CRISP2: variants seen among roughly 807,000 people sequenced by gnomAD.
CRISP2 encodes cysteine-rich secretory protein 2.
A neutral mutation model predicts 31.7 loss-of-function variants in CRISP2; 29 were observed. The ratio of observed to expected loss-of-function variants is 0.92; its 90% CI spans 0.68 to 1.25. The LOEUF is 1.25. Ranked by LOEUF, CRISP2 falls within the 50% of genes most tolerant of loss-of-function variation. The pLI is 0.00. For missense variants in CRISP2, 318 were observed against 286.5 expected (o/e 1.11, Z -0.79); for synonymous variants, 111 against 101.4 (o/e 1.09, Z -0.57).
At chr6:49,691,649 T>TA (rs1764061044), downstream of CRISP2, among the ~76,000 whole-genome samples, 1 of 152,064 alleles carries the variant, frequency 6.6e-6, no homozygotes, top group South Asian at 2.1e-4. Flanking sequence ...AATACTATCT[T>TA]AAAGACTGAA....
At chr6:49,699,219 T>C (rs61627916) in intron 6 of CRISP2, among the ~76,000 whole-genome samples, 5,055 of 152,024 alleles carry the variant, frequency 0.033, 300 homozygotes, top group African/African-American at 0.12. Flanking sequence ...TACTTGCTAG[T>C]CTGATATTAA....
intron 4 of CRISP2, among the ~76,000 whole-genome samples, chr6:49,701,485 CGTGT>C (rs148496285): frequency 0.03 from 2,440 of 81,460 alleles, 187 homozygotes; most frequent in African/African-American, 0.11. Context: ...AGCAGTATTA[CGTGT>C]GTGTGTGTGT....
At chr6:49,703,182 T>C (rs1208938201) in intron 4 of CRISP2, among the ~76,000 whole-genome samples, 1 of 140,588 alleles carries the variant, frequency 7.1e-6, no homozygotes, top group East Asian at 2.5e-4. Flanking sequence ...TCTATGTGCC[T>C]ATTTTTATAC....
At chr6:49,703,881 T>A (rs917073596) in intron 4 of CRISP2, among the ~76,000 whole-genome samples, 3 of 152,190 alleles carry the variant, frequency 2.0e-5, no homozygotes, top group African/African-American at 7.2e-5. Context: ...TTGAGCTTCT[T>A]TTATTTGAAT....
chr6:49,711,968 G>A (rs1448137108), intron 2 of CRISP2, among the ~76,000 whole-genome samples: 1 of 152,182 alleles, frequency 6.6e-6, no homozygotes, highest in South Asian at 2.1e-4. Context: ...CTGCTAGTTT[G>A]TTGAGCTCAT....
At position 49,698,515 on chromosome 6, in the gene CRISP2, G is replaced by A. The variant is rs1765146971; in HGVS notation, c.272-8C>T. On this transcript the variant is annotated splice_region_variant and splice_polypyrimidine_tract_variant and intron_variant, in intron 6 of 9. Coordinates refer to ENST00000339139, the MANE Select transcript of CRISP2 (RefSeq NM_003296.4). ...TCTCACCACATCTTGTACCTAAGGG[G>A]CAGATCATTCATGAGCAAGGTAATA... The A allele has an allele frequency of 3.1e-6, 5 of 1,597,888 alleles. No homozygotes were observed. The highest frequency in any genetic ancestry group is 4.3e-6 in the Non-Finnish European group (5 of 1,175,508).
intron 4 of CRISP2, among the ~76,000 whole-genome samples, chr6:49,708,007 T>C (rs1384911185): frequency 6.6e-6 from 1 of 152,212 alleles, no homozygotes; most frequent in Non-Finnish European, 1.5e-5. Context: ...GTTAGGGTTT[T>C]TGTTTTCTTA....
At chr6:49,705,707 G>A (rs1046061957) in intron 4 of CRISP2, among the ~76,000 whole-genome samples, 3 of 152,156 alleles carry the variant, frequency 2.0e-5, no homozygotes, top group African/African-American at 7.2e-5. Flanking sequence ...AGTGCCTACA[G>A]GGCTCTTCTC....
chr6:49,704,145 G>T (rs932787511), intron 4 of CRISP2, among the ~76,000 whole-genome samples: 10 of 151,928 alleles, frequency 6.6e-5, no homozygotes, highest in African/African-American at 2.4e-4. Context: ...ACATTTTATT[G>T]TTGAAACTTT....
At chr6:49,698,291 G>T in intron 7 of CRISP2, 71 bp downstream of exon 7, 2 of 1,509,600 alleles carry the variant, frequency 1.3e-6, no homozygotes, top group South Asian at 1.1e-5. Context: ...ACATTACAGT[G>T]GTCATAATTT....
the CRISP2 span, among the ~76,000 whole-genome samples, chr6:49,686,917 G>T: frequency 6.6e-6 from 1 of 152,092 alleles, no homozygotes; most frequent in Non-Finnish European, 1.5e-5. Flanking sequence ...CATGGATGAA[G>T]CTGGAAACCA....
At chr6:49,695,668 C>CT (rs1764611897) in intron 9 of CRISP2, among the ~76,000 whole-genome samples, 168 bp downstream of exon 9, 2 of 152,168 alleles carry the variant, frequency 1.3e-5, no homozygotes, top group African/African-American at 4.8e-5. Flanking sequence ...TATGTAGCTC[C>CT]TGCAGTGTGT....
At chr6:49,681,381 T>C in the CRISP2 span, among the ~76,000 whole-genome samples, 1 of 152,290 alleles carries the variant, frequency 6.6e-6, no homozygotes, top group Admixed American at 6.5e-5. Context: ...ACCAGTATCA[T>C]GCTGTTTTGG....
chr6:49,684,907 T>G, the CRISP2 span, among the ~76,000 whole-genome samples: 11 of 152,126 alleles, frequency 7.2e-5, no homozygotes, highest in Non-Finnish European at 1.5e-4. Flanking sequence ...TCATAGAGAC[T>G]TTTTGCATGC....
chr6:49,688,531 T>A (rs1763954564), downstream of CRISP2, among the ~76,000 whole-genome samples: 2 of 152,112 alleles, frequency 1.3e-5, no homozygotes, highest in Non-Finnish European at 1.5e-5. Context: ...GGCTTTAAGG[T>A]ACAGGCCAAA....
At chr6:49,690,118 G>C (rs533861616), downstream of CRISP2, among the ~76,000 whole-genome samples, 3 of 152,150 alleles carry the variant, frequency 2.0e-5, no homozygotes, top group Middle Eastern at 3.4e-3. Context: ...TTAATATTCT[G>C]TACCCTTAGG....
At chr6:49,697,568 G>A in intron 8 of CRISP2, 1 of 513,852 alleles carries the variant, frequency 1.9e-6, no homozygotes, top group South Asian at 1.8e-5. Context: ...CAATTCTAGA[G>A]AAATACATAT....
intron 6 of CRISP2, 51 bp from the exon 7 acceptor site, chr6:49,698,558 G>C: frequency 1.9e-6 from 3 of 1,545,086 alleles, no homozygotes; most frequent in Non-Finnish European, 2.6e-6. Context: ...AATGGTAAAA[G>C]AAATTGACTA....
At chr6:49,698,900 C>T (rs1561869913) in intron 6 of CRISP2, among the ~76,000 whole-genome samples, 1 of 151,962 alleles carries the variant, frequency 6.6e-6, no homozygotes, top group Non-Finnish European at 1.5e-5. Context: ...AATATAGGAC[C>T]CCAAATAAAT....
Sources: allele counts gnomAD v4.1 joint callset (sites outside exome capture counted in the v4.1 genomes callset), GRCh38; gene constraint gnomAD v4.1.1; transcripts MANE v1.5; gene names NCBI Gene and HGNC (gene_info 2026-07-23, HGNC 2026-07-21).